The following CA5A variants were observed in gnomAD, a reference collection of about 807,000 sequenced individuals.
CA5A encodes the protein carbonic anhydrase 5A, mitochondrial.
In CA5A, 28 loss-of-function variants were observed where a neutral mutation model predicts 37.1. The ratio of observed to expected loss-of-function variants is 0.75; its 90% CI spans 0.56 to 1.03. CA5A has a LOEUF of 1.03. Ranked by LOEUF, CA5A falls within the 50% of genes least tolerant of loss-of-function variation. The pLI, the probability that CA5A is intolerant of heterozygous loss-of-function variation, is 0.00. For synonymous variants in CA5A, 171 were observed against 158.4 expected, an observed-to-expected ratio of 1.08 and a Z score of -0.60; for missense variants, 444 against 399.9, an observed-to-expected ratio of 1.11 and a Z score of -0.94.
chr16:87,888,496 G>A (rs370901094), intron 6 of CA5A, among the ~76,000 whole-genome samples: 57 of 152,256 alleles, frequency 3.7e-4, no homozygotes, highest in African/African-American at 1.3e-3. Flanking sequence ...GAAGCTGGTC[G>A]CCATATTGGG....
At chr16:87,884,414 A>C (rs1381264780), downstream of CA5A, 1 of 152,030 alleles carries the variant, frequency 6.6e-6, no homozygotes, top group Non-Finnish European at 1.5e-5. Flanking sequence ...GTAAAAATAC[A>C]AAATTAGCCA....
At position 87,904,998 on chromosome 16, in the gene CA5A, G is replaced by C. The variant is rs193270824; in HGVS notation, c.341-94C>G. On this transcript the variant is annotated intron_variant, in intron 2 of 6. Coordinates refer to ENST00000649794, the MANE Select transcript of CA5A (RefSeq NM_001739.2). The stretch of plus-strand genomic sequence containing the variant: ...CATTGTCTACATTAGGGTTATATGA[G>C]TTCACTCGCAAGGGGTTGCTGTATG... 2.1e-4 allele frequency: 164 copies of C among 771,914 alleles called. No individual in the cohort carries two copies. The East Asian group carries it at 3.4e-3, about 16-fold the overall frequency. The allele number at this position is 771,914 out of a possible 1,614,324, so 47.8% of individuals were successfully genotyped here.
chr16:87,921,535 C>G (rs2056229213), intron 2 of CA5A, among the ~76,000 whole-genome samples: 1 of 152,218 alleles, frequency 6.6e-6, no homozygotes, highest in Non-Finnish European at 1.5e-5. Flanking sequence ...TCTTGAGTCA[C>G]GTGCCCATGC....
At chr16:87,914,204 G>A (rs572684320) in intron 2 of CA5A, among the ~76,000 whole-genome samples, 22 of 152,334 alleles carry the variant, frequency 1.4e-4, no homozygotes, top group African/African-American at 5.3e-4. Flanking sequence ...GTTGCCTGTG[G>A]CTTTGCAGGA....
At chr16:87,917,744 T>C (rs1277446949) in intron 2 of CA5A, among the ~76,000 whole-genome samples, 1 of 98,152 alleles carries the variant, frequency 1.0e-5, no homozygotes, top group African/African-American at 7.9e-5. Context: ...TGAACACACA[T>C]GCACACATGT....
chr16:87,888,747 T>C (rs1030520428), intron 6 of CA5A, among the ~76,000 whole-genome samples: 2 of 152,162 alleles, frequency 1.3e-5, no homozygotes, highest in African/African-American at 4.8e-5. Flanking sequence ...TAATAAATGA[T>C]TGGTTTTTGT....
chr16:87,926,205 C>A, intron 2 of CA5A, among the ~76,000 whole-genome samples: 1 of 149,442 alleles, frequency 6.7e-6, no homozygotes, highest in East Asian at 2.0e-4. Flanking sequence ...AATGACAGAG[C>A]AAGACTCTGT....
At chr16:87,895,646 T>C (rs1267359474) in intron 5 of CA5A, among the ~76,000 whole-genome samples, 1 of 152,306 alleles carries the variant, frequency 6.6e-6, no homozygotes, top group Middle Eastern at 3.4e-3. Flanking sequence ...CCATCCCAAG[T>C]CAATTTTAGA....
chr16:87,900,675 C>T (rs751427086), intron 5 of CA5A, among the ~76,000 whole-genome samples: 2 of 152,236 alleles, frequency 1.3e-5, no homozygotes, highest in Non-Finnish European at 2.9e-5. Context: ...TTTCGAGCTG[C>T]GCTGGATACA....
chr16:87,904,558 C>T (rs1373159529), intron 3 of CA5A, among the ~76,000 whole-genome samples: 2 of 152,178 alleles, frequency 1.3e-5, no homozygotes, highest in African/African-American at 2.4e-5. Context: ...CATTCAGAAC[C>T]TCAGTCTCTT....
chr16:87,908,765 T>A (rs750391143), intron 2 of CA5A, among the ~76,000 whole-genome samples: 1 of 152,156 alleles, frequency 6.6e-6, no homozygotes, highest in Admixed American at 6.6e-5. Flanking sequence ...CATCTCTTCA[T>A]CCTTCCCGAC....
At chr16:87,894,139 T>C (rs1275691334) in intron 5 of CA5A, among the ~76,000 whole-genome samples, 1 of 151,262 alleles carries the variant, frequency 6.6e-6, no homozygotes, top group Admixed American at 6.6e-5. Context: ...ATTTTTTTTA[T>C]TTTTTTTGAG....
At chr16:87,926,100 G>A (rs531688018) in intron 2 of CA5A, among the ~76,000 whole-genome samples, 14 of 152,252 alleles carry the variant, frequency 9.2e-5, no homozygotes, top group South Asian at 6.2e-4. Context: ...GCAGACACCT[G>A]TAATCCCAGT....
At chr16:87,916,774 C>T (rs1244569976) in intron 2 of CA5A, among the ~76,000 whole-genome samples, 1 of 152,102 alleles carries the variant, frequency 6.6e-6, no homozygotes, top group African/African-American at 2.4e-5. Context: ...GGTCGCGGTG[C>T]ACCTGGGAAG....
At chr16:87,900,164 T>C (rs6540098) in intron 5 of CA5A, among the ~76,000 whole-genome samples, 53,603 of 151,868 alleles carry the variant, frequency 0.35, 10,498 homozygotes, top group African/African-American at 0.53. Flanking sequence ...TCCTTCACAA[T>C]CAGCTCTTTT....
intron 6 of CA5A, among the ~76,000 whole-genome samples, chr16:87,889,797 A>T (rs563464603): frequency 2.6e-5 from 4 of 152,310 alleles, no homozygotes; most frequent in African/African-American, 9.6e-5. Flanking sequence ...AATAAAAAAT[A>T]AAAAAAGACT....
intron 2 of CA5A, 94 bp downstream of exon 2, chr16:87,926,654 T>A (rs1486170226): frequency 5.1e-6 from 5 of 980,712 alleles, no homozygotes; most frequent in Non-Finnish European, 6.3e-6. Flanking sequence ...AAGCAGCACC[T>A]TCCTGCTCTC....
At chr16:87,923,386 C>T (rs2056257148) in intron 2 of CA5A, 1 of 202,162 alleles carries the variant, frequency 4.9e-6, no homozygotes, top group African/African-American at 2.4e-5. Context: ...TGGGGTTTCA[C>T]CATGTTGGCC....
chr16:87,933,938 G>C lies in CA5A; in HGVS notation c.142+2371C>G, dbSNP rs543596379. Among the ~76,000 whole-genome samples the C allele has an allele frequency of 2.8e-4, 42 of 152,334 alleles. 1 individual carries two copies. The highest frequency in any genetic ancestry group is 2.7e-3 in the Admixed American group (41 of 15,296). On this transcript the variant is annotated intron_variant, in intron 1 of 6. Transcript: ENST00000649794. ...CAGAGCCCTCTGTTCACTGGGAACAGGTTGAGGACCATGGTGTAAATGGAT... is the reference window on the plus strand; with the variant it reads ...CAGAGCCCTCTGTTCACTGGGAACACGTTGAGGACCATGGTGTAAATGGAT...
Sources: gnomAD v4.1 joint callset for allele counts (sites outside exome capture counted in the v4.1 genomes callset) on GRCh38, gnomAD v4.1.1 for gene constraint, MANE v1.5 for transcripts, NCBI Gene and HGNC (gene_info 2026-07-23, HGNC 2026-07-21) for gene names.